ADH1B: variants seen among roughly 807,000 people sequenced by gnomAD.
ADH1B encodes the protein all-trans-retinol dehydrogenase [NAD(+)] ADH1B.
In ADH1B, 29 loss-of-function variants were observed where a neutral mutation model predicts 34.6. The observed-to-expected ratio is 0.84, with a 90% CI of 0.62 to 1.14. The LOEUF is 1.14. Among genes scored for constraint, ADH1B ranks in the 50% most tolerant of loss-of-function variants. ADH1B has a pLI of 0.00. For synonymous variants in ADH1B, 170 were observed against 175.5 expected (o/e 0.97, Z 0.25); for missense variants, 424 against 468.4 (o/e 0.91, Z 0.87).
chr4:99,310,996 G>T, intron 7 of ADH1B, 93 bp from the exon 8 acceptor site: 5 of 1,466,470 alleles, frequency 3.4e-6, no homozygotes, highest in Non-Finnish European at 4.7e-6. Flanking sequence ...TTTAGAAAAG[G>T]TGCTCCATTC....
chr4:99,310,978 A>C, intron 7 of ADH1B, 75 bp from the exon 8 acceptor site: 2 of 1,553,402 alleles, frequency 1.3e-6, no homozygotes, highest in Non-Finnish European at 1.8e-6. Context: ...TTTCCAAATA[A>C]ATCAAAGTTT....
chr4:99,319,724 T>C (rs1441852174), intron 1 of ADH1B: 2 of 152,202 alleles, frequency 1.3e-5, no homozygotes. Context: ...GGCAGTGTAC[T>C]GTAAAACCCA....
intron 2 of ADH1B, 61 bp from the exon 3 acceptor site, chr4:99,318,245 T>C (rs763782326): frequency 1.3e-6 from 2 of 1,593,842 alleles, no homozygotes; most frequent in South Asian, 2.2e-5. Flanking sequence ...GAATTTAACA[T>C]ACCCAAATTC....
Position 99,314,101 on chromosome 4 carries a change from A to C in ADH1B, c.568-20T>G, listed in dbSNP as rs780390061. ...GGTGACCTGTGTTTTCAGAAAATGC[A>C]AAAATAGATTAAGTGATGATTGTTA... On this transcript the variant is annotated intron_variant, in intron 5 of 8. Transcript: ENST00000305046. The C allele has an allele frequency of 6.2e-7, 1 of 1,611,178 alleles. No homozygotes were observed. The highest frequency in any genetic ancestry group is 8.5e-7 in the Non-Finnish European group (1 of 1,178,254).
At chr4:99,320,336 C>T (rs909918860) in intron 1 of ADH1B, 1 of 152,132 alleles carries the variant, frequency 6.6e-6, no homozygotes, top group South Asian at 2.1e-4. Context: ...CTTAGAATAA[C>T]GTCCTCTAGC....
rs1310003359 is a variant in ADH1B, at chr4:99,316,067, C to A, written c.398G>T (p.Cys133Phe). The A allele has an allele frequency of 3.7e-6, 6 of 1,614,086 alleles. No homozygotes were observed. In the East Asian group the frequency reaches 6.7e-5, roughly 18 times the overall value. ...GAAGTGGTGAATGGGCTTCCCCCTGCAGGTGAACCTCCTGGTGCCATCCTG... is the reference window on the plus strand; with the variant it reads ...GAAGTGGTGAATGGGCTTCCCCCTGAAGGTGAACCTCCTGGTGCCATCCTG... Reference protein sequence around the residue: ...TLQDGTRRFTCRGKPIHHFLG... With the variant: ...TLQDGTRRFTFRGKPIHHFLG... Residue 133 changes from cysteine to phenylalanine, a missense_variant, in exon 5 of 9, where the codon TGC (cysteine) becomes TTC (phenylalanine). Physicochemically the swap from Cys to Phe is radical, Grantham distance 205. Transcript: ENST00000305046.
In ADH1B at chr4:99,307,773, T is replaced by C; in HGVS notation, c.*67A>G. ...AGCTGAATTAATGATATTTCCTAGC[T>C]GTTGCTCCAGATCTTGTAGGGTAGA... On this transcript the variant is annotated 3_prime_UTR_variant, in exon 9 of 9. Coordinates refer to ENST00000305046, the MANE Select transcript of ADH1B (RefSeq NM_000668.6). The C allele has an allele frequency of 6.4e-7, 1 of 1,553,560 alleles. No homozygotes were observed. Among genetic ancestry groups the C allele is most frequent in the Non-Finnish European group, 8.9e-7 (1 of 1,125,620 alleles).
intron 5 of ADH1B, 100 bp from the exon 6 acceptor site, chr4:99,314,181 C>G: frequency 6.6e-7 from 1 of 1,519,882 alleles, no homozygotes; most frequent in Non-Finnish European, 8.8e-7. Context: ...AAGAACTACT[C>G]AGACTCTTTT....
Position 99,316,042 on chromosome 4 carries a change from G to T in ADH1B, c.423C>A (p.Phe141Leu). The T allele has an allele frequency of 2.5e-6, 4 of 1,614,194 alleles. No individual in the cohort carries two copies. Among genetic ancestry groups the T allele is most frequent in the Non-Finnish European group, 3.4e-6 (4 of 1,180,030 alleles). Residue 141 changes from phenylalanine (F) to leucine (L), a missense_variant, in exon 5 of 9, where the codon TTC becomes TTA. By Grantham distance (22) the Phe-to-Leu change is conservative. Around this residue, in one of 3 missense-constraint regions of ADH1B, gnomAD observed 291 missense variants for 300.4 expected, o/e 0.97. Coordinates refer to ENST00000305046, the MANE Select transcript of ADH1B (RefSeq NM_000668.6). ...FTCRGKPIHH[F>L]LGTSTFSQYT... ...ACTGGGAGAAGGTGCTGGTGCCAAG[G>T]AAGTGGTGAATGGGCTTCCCCCTGC...
Position 99,318,128 on chromosome 4 carries a change from C to A in ADH1B, c.177G>T (p.Val59=). 1 of 1,614,112 alleles carries A rather than the reference C, an allele frequency of 6.2e-7. No homozygotes were observed. Among genetic ancestry groups the A allele is most frequent in the South Asian group, 1.1e-5 (1 of 91,076 alleles). The change falls in exon 3 of 9, where the codon GTG becomes GTT. Residue 59 remains valine, a synonymous_variant. Coordinates refer to ENST00000305046, the MANE Select transcript of ADH1B (RefSeq NM_000668.6). ...TDDHVVSGNL[V]TPLPVILGHE... Reference sequence around the variant, plus strand: ...GGCCTAAAATCACAGGAAGGGGGGTCACCAGGTTGCCACTAACCACGTGGT... The same window carrying A: ...GGCCTAAAATCACAGGAAGGGGGGTAACCAGGTTGCCACTAACCACGTGGT...
chr4:99,313,668 A>C (rs1733805425), intron 6 of ADH1B, 153 bp downstream of exon 6: 3 of 1,413,320 alleles, frequency 2.1e-6, no homozygotes, highest in Admixed American at 2.3e-5. Flanking sequence ...ATTTCTCATA[A>C]CAAAAATTAA....
At chr4:99,311,173 C>T (rs1733745736) in intron 7 of ADH1B, among the ~76,000 whole-genome samples, 1 of 152,130 alleles carries the variant, frequency 6.6e-6, no homozygotes, top group African/African-American at 2.4e-5. Flanking sequence ...GCAAATTTAT[C>T]AGTTGTCTAA....
chr4:99,319,040 TA>T (rs749561302), intron 1 of ADH1B, 154 bp from the exon 2 acceptor site: 7 of 860,376 alleles, frequency 8.1e-6, no homozygotes, highest in Non-Finnish European at 1.4e-5. Flanking sequence ...ATAAAGAGAA[TA>T]AAAGTATCTT....
intron 1 of ADH1B, among the ~76,000 whole-genome samples, 168 bp downstream of exon 1, chr4:99,321,146 C>T (rs1431807127): frequency 2.6e-5 from 4 of 152,022 alleles, no homozygotes; most frequent in Admixed American, 2.6e-4. Flanking sequence ...AGCTTATTTC[C>T]ACTGCAGTTC....
At chr4:99,314,105 A>T (rs768851539) in intron 5 of ADH1B, 24 bp from the exon 6 acceptor site, 3 of 1,610,880 alleles carry the variant, frequency 1.9e-6, no homozygotes. Flanking sequence ...AAATGCAAAA[A>T]TAGATTAAGT....
At chr4:99,311,402 A>T (rs1186862486) in intron 7 of ADH1B, 119 bp downstream of exon 7, 1 of 1,245,208 alleles carries the variant, frequency 8.0e-7, no homozygotes, top group Non-Finnish European at 1.1e-6. Context: ...TTTATTTTTG[A>T]TTTGTTTTCA....
intron 3 of ADH1B, chr4:99,317,250 G>T (rs1020676133): frequency 6.6e-6 from 1 of 152,144 alleles, no homozygotes; most frequent in African/African-American, 2.4e-5. Flanking sequence ...AAGAAAAATT[G>T]TTGGTGCATT....
intron 3 of ADH1B, chr4:99,316,505 T>G (rs886970501): frequency 1.1e-5 from 7 of 635,480 alleles, no homozygotes; most frequent in Non-Finnish European, 1.9e-5. Context: ...GGATTCCTAC[T>G]GAGAAATCGC....
chr4:99,309,583 T>C (rs989566053), intron 8 of ADH1B, among the ~76,000 whole-genome samples: 5 of 152,218 alleles, frequency 3.3e-5, no homozygotes, highest in African/African-American at 1.2e-4. Context: ...CCAATGATGA[T>C]GTCAATGGTA....
Sources: gnomAD v4.1 joint callset for allele counts (sites outside exome capture counted in the v4.1 genomes callset) on GRCh38, gnomAD v4.1.1 for gene constraint, gnomAD v4.1.1 regional missense constraint, MANE v1.5 for transcripts, NCBI Gene and HGNC (gene_info 2026-07-23, HGNC 2026-07-21) for gene names.